TBX22: variants seen among roughly 807,000 people sequenced by gnomAD.
TBX22 encodes T-box transcription factor 22.
TBX22 carries 8 observed loss-of-function variants against 30.1 expected under a neutral mutation model. The observed-to-expected ratio is 0.27, with a 90% confidence interval of 0.16 to 0.48. The LOEUF (loss-of-function observed/expected upper bound fraction) is 0.48. Among genes scored for constraint, TBX22 ranks in the 20% least tolerant of loss-of-function variants. TBX22 has a pLI of 0.99. For missense variants in TBX22, 463 were observed against 400.5 expected (o/e 1.16, Z -1.33); for synonymous variants, 173 against 149.1 (o/e 1.16, Z -1.17).
chrX:80,026,944 C>T lies in TBX22; in HGVS notation c.798+76C>T, dbSNP rs748013071. ...GGATTAGAGGCATAGAGGCTAACTG[C>T]CATCAATTGCATTTTCCACAATTCT... On this transcript the variant is annotated intron_variant, in intron 6 of 8. Transcript: ENST00000373296. 3.1e-6 allele frequency: 3 copies of T among 964,366 alleles called. No individual in the cohort carries two copies. In the South Asian group the frequency reaches 5.9e-5, roughly 19 times the overall value. The allele number at this position is 964,366 out of a possible 1,213,427, so 79.5% of individuals were successfully genotyped here.
At chrX:80,019,005 A>G (rs1338545327) in intron 1 of TBX22, among the ~76,000 whole-genome samples, 1 of 111,647 alleles carries the variant, frequency 9.0e-6, no homozygotes, top group Non-Finnish European at 1.9e-5. Context: ...TCTCATAACC[A>G]GTAGTATTGA....
chrX:80,028,963 A>AG (rs1438846541), intron 8 of TBX22, among the ~76,000 whole-genome samples: 2 of 111,057 alleles, frequency 1.8e-5, no homozygotes, highest in Non-Finnish European at 3.8e-5. Flanking sequence ...TGCATGAAAA[A>AG]AAAAACACTT....
rs373817537 is a variant in TBX22, at chrX:80,026,850, G to A, written c.780G>A (p.Thr260=). The change falls in exon 6 of 9, where the codon ACG becomes ACA. Residue 260 remains threonine, a synonymous_variant. Coordinates refer to ENST00000373296, the MANE Select transcript of TBX22 (RefSeq NM_001109878.2). ...AAGAAACTGAGTTCACCACAGTAAC[G>A]GCTTACCAAAACCAACAGGTAAACT... ...SFKETEFTTV[T]AYQNQQITKL... is the part of the protein sequence containing the mutation. The A allele has an allele frequency of 1.5e-4, 184 of 1,210,056 alleles. No individual in the cohort carries two copies. The highest frequency in any genetic ancestry group is 1.4e-3 in the Middle Eastern group (6 of 4,377).
rs1481376528 is a variant in TBX22, at chrX:80,031,195, G to T, written c.*84G>T. On this transcript the variant is annotated 3_prime_UTR_variant, in exon 9 of 9. Transcript: ENST00000373296. ...CCAAAGAAATTTCAACAGTTATTGG[G>T]CTTAAAAAGCATCATTACAATACAG... is the stretch of plus-strand genomic sequence containing the variant. 5 of 908,743 alleles carry T rather than the reference G, an allele frequency of 5.5e-6. No homozygotes were observed. Among genetic ancestry groups the T allele is most frequent in the Non-Finnish European group, 7.7e-6 (5 of 650,837 alleles). The allele number at this position is 908,743 out of a possible 1,213,427, so 74.9% of individuals were successfully genotyped here.
intron 8 of TBX22, among the ~76,000 whole-genome samples, chrX:80,029,581 A>T (rs753624879): frequency 8.9e-6 from 1 of 112,296 alleles, no homozygotes; most frequent in Non-Finnish European, 1.9e-5. Context: ...TTTATACAAG[A>T]CTATTTTCAT....
At chrX:80,026,634 G>A (rs1923988491) in intron 5 of TBX22, 70 bp from the exon 6 acceptor site, 1 of 1,062,797 alleles carries the variant, frequency 9.4e-7, no homozygotes, top group African/African-American at 1.8e-5. Context: ...GGTGGAGGTG[G>A]TCAGGAGAGG....
At chrX:80,025,499 C>T in intron 4 of TBX22, 104 bp from the exon 5 acceptor site, 1 of 662,480 alleles carries the variant, frequency 1.5e-6, no homozygotes, top group South Asian at 2.2e-5. Flanking sequence ...CTTACTTGCC[C>T]TTGGGATCAC....
chrX:80,020,095 C>T (rs1484177439), intron 1 of TBX22, among the ~76,000 whole-genome samples: 4 of 111,218 alleles, frequency 3.6e-5, no homozygotes, highest in Admixed American at 9.6e-5. Context: ...TACAAGGTAA[C>T]GTCCTGCCTT....
chrX:80,029,421 G>A (rs1432405177), intron 8 of TBX22, among the ~76,000 whole-genome samples: 4 of 111,927 alleles, frequency 3.6e-5, no homozygotes, highest in African/African-American at 9.7e-5. Flanking sequence ...ATCAGCAAAC[G>A]TCATTGATAT....
chrX:80,029,882 C>G (rs1203708248), intron 8 of TBX22, among the ~76,000 whole-genome samples: 1 of 112,027 alleles, frequency 8.9e-6, no homozygotes, highest in African/African-American at 3.2e-5. Context: ...GTGCCTAGCA[C>G]AGTATTTGAG....
chrX:80,017,592 T>C (rs1484894422), intron 1 of TBX22, among the ~76,000 whole-genome samples: 1 of 111,506 alleles, frequency 9.0e-6, no homozygotes, highest in Admixed American at 9.6e-5. Flanking sequence ...ATGCCTCTTC[T>C]GGCAATTACT....
rs1450772358 is a variant in TBX22, at chrX:80,022,291, C to T, written c.22C>T (p.Arg8Cys). 6 of 1,209,117 alleles carry T rather than the reference C, an allele frequency of 5.0e-6. No homozygotes were observed. The highest frequency in any genetic ancestry group is 6.7e-6 in the Non-Finnish European group (6 of 895,037). ...AGGGATGGCTCTGAGCTCTCGGGCG[C>T]GTGCCTTCTCCGTGGAAGCCTTGGT... Reference protein sequence around the residue: MALSSRARAFSVEALVGR... With the variant: MALSSRACAFSVEALVGR... The change falls in exon 2 of 9, where the codon CGT becomes TGT. Residue 8 changes from arginine to cysteine, a missense_variant. Transcript: ENST00000373296.
At chrX:80,016,187 T>G (rs779744568) in intron 1 of TBX22, among the ~76,000 whole-genome samples, 1 of 112,569 alleles carries the variant, frequency 8.9e-6, no homozygotes, top group Non-Finnish European at 1.9e-5. Flanking sequence ...TATTCGCATG[T>G]CCTAGGAATG....
In TBX22 at chrX:80,022,322, G is replaced by T. The variant is rs1395804892; in HGVS notation, c.53G>T (p.Arg18Ile). ...TTCTCCGTGGAAGCCTTGGTGGGGA[G>T]ACCCAGCAAAAGAAAACTCCAAGAC... is the stretch of plus-strand genomic sequence containing the variant. ...RAFSVEALVG[R>I]PSKRKLQDPI... Residue 18 changes from arginine to isoleucine, a missense_variant, in exon 2 of 9, where the codon AGA becomes ATA. Arg to Ile is a moderately conservative substitution (Grantham distance 97). Coordinates refer to ENST00000373296, the MANE Select transcript of TBX22 (RefSeq NM_001109878.2). 8.3e-7 allele frequency: 1 copy of T among 1,209,303 alleles called. No homozygotes were observed. Among genetic ancestry groups the T allele is most frequent in the Admixed American group, 2.2e-5 (1 of 45,710 alleles).
chrX:80,022,690 G>C, intron 2 of TBX22: 1 of 438,038 alleles, frequency 2.3e-6, no homozygotes, highest in African/African-American at 2.5e-5. Flanking sequence ...TCCTACCTTC[G>C]CGGAAAGCTC....
In TBX22 at chrX:80,023,118, CG is replaced by C; in HGVS notation, c.236del (p.Gly79AlafsTer34). Reference sequence around the variant, plus strand: ...CTTCCTCTGGCTGCGGCAGCGACAGCGGCTACGGCAACAGCTCTGAAAGTCT... The same window carrying C: ...CTTCCTCTGGCTGCGGCAGCGACAGCGCTACGGCAACAGCTCTGAAAGTCT... ...SASSGCGSDSGYGNSSESLEE... is the reference protein window; with the variant it reads ...SASSGCGSDSXYGNSSESLEE... On this transcript the variant is annotated frameshift_variant, in exon 3 of 9. Coordinates refer to ENST00000373296, the MANE Select transcript of TBX22 (RefSeq NM_001109878.2). LOFTEE classifies it high-confidence loss of function. 1.7e-6 allele frequency: 2 copies of C among 1,211,553 alleles called. No individual in the cohort carries two copies. The highest frequency in any genetic ancestry group is 3.5e-5 in the South Asian group (2 of 57,007).
intron 8 of TBX22, among the ~76,000 whole-genome samples, 175 bp from the exon 9 acceptor site, chrX:80,030,323 T>C (rs984669609): frequency 8.9e-6 from 1 of 112,006 alleles, no homozygotes; most frequent in African/African-American, 3.2e-5. Flanking sequence ...GATACTATAT[T>C]CAACTTTAGT....
At chrX:80,021,898 A>C (rs991853053) in intron 1 of TBX22, among the ~76,000 whole-genome samples, 1 of 112,031 alleles carries the variant, frequency 8.9e-6, no homozygotes, top group Non-Finnish European at 1.9e-5. Flanking sequence ...GGATTTGAGG[A>C]CTAATGGTCT....
At chrX:80,029,197 A>G (rs1924127544) in intron 8 of TBX22, among the ~76,000 whole-genome samples, 1 of 112,060 alleles carries the variant, frequency 8.9e-6, no homozygotes, top group South Asian at 3.7e-4. Flanking sequence ...ATTATAAAAG[A>G]TATTTGCCAT....
Sources: allele counts gnomAD v4.1 joint callset (sites outside exome capture counted in the v4.1 genomes callset), GRCh38; gene constraint gnomAD v4.1.1; transcripts MANE v1.5; gene names NCBI Gene and HGNC (gene_info 2026-07-23, HGNC 2026-07-21).